Variants in RGS3 observed in about 807,000 individuals in gnomAD.
RGS3 encodes regulator of G-protein signalling 3.
RGS3 carries 80 observed loss-of-function variants against 132.6 expected under a neutral mutation model. The ratio of observed to expected loss-of-function variants is 0.60; its 90% CI spans 0.50 to 0.73. RGS3 has a LOEUF of 0.73. Among genes scored for constraint, RGS3 ranks in the 30% least tolerant of loss-of-function variants. The pLI is 0.00. For missense variants in RGS3, 1,382 were observed against 1,530.8 expected (o/e 0.90, Z 1.62); for synonymous variants, 598 against 620.6 (o/e 0.96, Z 0.54).
chr9:113,567,593 G>A (rs1458019990), intron 19 of RGS3, among the ~76,000 whole-genome samples: 1 of 152,256 alleles, frequency 6.6e-6, no homozygotes, highest in Non-Finnish European at 1.5e-5. Flanking sequence ...CATCCATAGG[G>A]CCAAGGGATG....
At chr9:113,483,013 G>T (rs780717487) in intron 4 of RGS3, 46 bp from the exon 3 acceptor site, 40 of 1,613,464 alleles carry the variant, frequency 2.5e-5, no homozygotes, top group Non-Finnish European at 3.1e-5. Context: ...CTGTGTGTGT[G>T]TGTATGTTTC....
intron 1 of RGS3, among the ~76,000 whole-genome samples, chr9:113,447,329 G>GTGTGTATATATATATATATA (rs1554751009): frequency 3.6e-4 from 10 of 27,554 alleles, no homozygotes; most frequent in African/African-American, 4.9e-4. Context: ...GTATGTATAT[G>GTGTGTATATATATATATATA]TATATATATA....
chr9:113,583,270 G>C, intron 19 of RGS3, 180 bp from the exon 18 acceptor site: 2 of 1,095,126 alleles, frequency 1.8e-6, no homozygotes, highest in Non-Finnish European at 2.5e-6. Flanking sequence ...AAGAAGACAG[G>C]GTGAGAATTG....
At chr9:113,577,503 T>C (rs918369999) in intron 19 of RGS3, among the ~76,000 whole-genome samples, 2 of 152,182 alleles carry the variant, frequency 1.3e-5, no homozygotes, top group South Asian at 2.1e-4. Flanking sequence ...GGTGGCTTCA[T>C]TGATACAGGG....
chr9:113,496,537 TTC>T (rs922005712), intron 8 of RGS3, among the ~76,000 whole-genome samples: 2 of 151,256 alleles, frequency 1.3e-5, no homozygotes, highest in African/African-American at 2.4e-5. Context: ...CCTAAAGAGC[TTC>T]TCTCTCTCTC....
intron 19 of RGS3, chr9:113,581,904 C>T (rs773069747): frequency 3.8e-5 from 14 of 371,322 alleles, no homozygotes; most frequent in Non-Finnish European, 4.5e-5. Context: ...TAGCCTAAGG[C>T]GTGCCCTTCC....
chr9:113,480,241 G>A (rs919912729), intron 4 of RGS3, among the ~76,000 whole-genome samples: 15 of 151,966 alleles, frequency 9.9e-5, no homozygotes, highest in Admixed American at 2.0e-4. Flanking sequence ...GGCAGATCAC[G>A]CGGTCAGGAG....
At chr9:113,559,619 T>TG (rs1588249444) in intron 19 of RGS3, among the ~76,000 whole-genome samples, 1 of 152,180 alleles carries the variant, frequency 6.6e-6, no homozygotes, top group African/African-American at 2.4e-5. Context: ...GGGAGACATT[T>TG]GGGGAATAAG....
chr9:113,580,151 C>A (rs534732065), intron 19 of RGS3, among the ~76,000 whole-genome samples: 4 of 152,244 alleles, frequency 2.6e-5, no homozygotes, highest in Admixed American at 6.5e-5. Flanking sequence ...CAGAAAGAAC[C>A]ATGAGCTCTG....
intron 19 of RGS3, among the ~76,000 whole-genome samples, chr9:113,571,108 T>C (rs1168743331): frequency 6.6e-6 from 1 of 152,260 alleles, no homozygotes; most frequent in Non-Finnish European, 1.5e-5. Flanking sequence ...TGCTCTGTGG[T>C]ATTTCCTTGT....
intron 14 of RGS3, 64 bp downstream of exon 12, chr9:113,508,644 T>A (rs1425033266): frequency 1.3e-5 from 21 of 1,558,612 alleles, no homozygotes. Context: ...AGCTGAGGCC[T>A]GGCCCAGCCT....
At position 113,536,865 on chromosome 9, in the gene RGS3, T is replaced by TC. The variant is rs1832701393; in HGVS notation, c.1985dup (p.Glu663GlyfsTer20). ...GAAGAAGAGAGTGTGCTGGTGCCTG[T>TC]CGGAGAACATCGCCAAGCAGCAACA... On this transcript the variant is annotated frameshift_variant, in exon 19 of 25. Transcript: ENST00000350696. LOFTEE classifies it high-confidence loss of function. 1 of 1,614,130 alleles carries TC rather than the reference T, an allele frequency of 6.2e-7. No homozygotes were observed. Among genetic ancestry groups the TC allele is most frequent in the Non-Finnish European group, 8.5e-7 (1 of 1,180,004 alleles).
chr9:113,591,082 C>T lies in RGS3; in HGVS notation c.3016-251C>T, dbSNP rs10739393. On this transcript the variant is annotated intron_variant, in intron 20 of 24. Transcript: ENST00000350696. The surrounding 1 kb of genome is among the most constrained non-coding windows in gnomAD (Gnocchi z 4.4). Reference sequence around the variant, plus strand: ...CCTGAGTGCCAGCCGTCTGGCTTCTCCCCAGTGAGCTGGGGACCTGACTGT... The same window carrying T: ...CCTGAGTGCCAGCCGTCTGGCTTCTTCCCAGTGAGCTGGGGACCTGACTGT... Among the ~76,000 whole-genome samples the T allele has an allele frequency of 0.57, 86,486 of 152,088 alleles. 25,460 individuals carry two copies. The highest frequency in any genetic ancestry group is 0.82 in the East Asian group (4,250 of 5,162).
intron 19 of RGS3, among the ~76,000 whole-genome samples, chr9:113,566,515 G>A (rs927206109): frequency 1.3e-5 from 2 of 152,194 alleles, no homozygotes; most frequent in Admixed American, 6.5e-5. Context: ...GACCCAGAAA[G>A]GGGAGGAGCC....
chr9:113,483,125 G>A lies in RGS3; in HGVS notation c.525+8G>A, dbSNP rs764643667. On this transcript the variant is annotated splice_region_variant and intron_variant, in intron 5 of 24. Transcript: ENST00000350696. ...TGTGATCCGTATGTGAAGGTATGTGGTGGGGCCGGAGATGGAGAGTGGGAT... is the reference window on the plus strand; with the variant it reads ...TGTGATCCGTATGTGAAGGTATGTGATGGGGCCGGAGATGGAGAGTGGGAT... 6.3e-7 allele frequency: 1 copy of A among 1,594,210 alleles called. No individual in the cohort carries two copies. The highest frequency in any genetic ancestry group is 1.1e-5 in the South Asian group (1 of 90,418).
rs1554751021 is a variant in RGS3, at chr9:113,447,333, A to ATATG, written c.-13+2409_-13+2410insGTAT. The stretch of plus-strand genomic sequence containing the variant: ...TAAATTCTGATGTATGTATATGTAT[A>ATATG]TATATATATATATATATATATATAT... On this transcript the variant is annotated intron_variant, in intron 1 of 25. Transcript: ENST00000374140. 3.2e-4 allele frequency among the ~76,000 whole-genome samples: 23 copies of ATATG among 72,912 alleles called. 1 individual carries two copies. Among genetic ancestry groups the ATATG allele is most frequent in the African/African-American group, 7.5e-4 (16 of 21,476 alleles). The allele number at this position is 72,912 out of a possible 152,430, so 47.8% of individuals were successfully genotyped here. A position where few individuals can be genotyped will look rare whatever the true frequency, so the allele number is the denominator to read the frequency against.
chr9:113,580,996 A>T (rs999399663), intron 19 of RGS3: 1 of 974,606 alleles, frequency 1.0e-6, no homozygotes, highest in African/African-American at 1.9e-5. Context: ...TTCCCCAAGG[A>T]CTATCAGAGG....
chr9:113,494,515 T>C (rs1322946698), intron 7 of RGS3, among the ~76,000 whole-genome samples: 1 of 152,232 alleles, frequency 6.6e-6, no homozygotes, highest in Non-Finnish European at 1.5e-5. Context: ...AGTGCTGACT[T>C]GGCCACTTCC....
At chr9:113,545,357 A>G (rs949049188) in intron 19 of RGS3, among the ~76,000 whole-genome samples, 1 of 152,194 alleles carries the variant, frequency 6.6e-6, no homozygotes, top group Non-Finnish European at 1.5e-5. Flanking sequence ...AGATTTTGCT[A>G]ATTGACTGAT....
Sources: gnomAD v4.1 joint callset for allele counts (sites outside exome capture counted in the v4.1 genomes callset) on GRCh38, gnomAD v4.1.1 for gene constraint, Gnocchi (gnomAD v3.1) non-coding constraint, MANE v1.5 for transcripts, NCBI Gene and HGNC (gene_info 2026-07-23, HGNC 2026-07-21) for gene names.